TUSC3: variants seen among roughly 807,000 people sequenced by gnomAD.
TUSC3 encodes dolichyl-diphosphooligosaccharide--protein glycosyltransferase subunit TUSC3.
A neutral mutation model predicts 44.8 loss-of-function variants in TUSC3; 45 were observed. The observed-to-expected ratio is 1.00, with a 90% CI of 0.79 to 1.29. TUSC3 has a LOEUF of 1.29. TUSC3 is among the 50% of genes most tolerant of loss of function. TUSC3 has a pLI of 0.00. For synonymous variants in TUSC3, 212 were observed against 152.9 expected (o/e 1.39, Z -2.85); for missense variants, 519 against 437.9 (o/e 1.19, Z -1.65).
intron 5 of TUSC3, among the ~76,000 whole-genome samples, chr8:15,672,810 C>G (rs981707039): frequency 6.6e-6 from 1 of 151,982 alleles, no homozygotes; most frequent in Non-Finnish European, 1.5e-5. Flanking sequence ...ATTGTGCAAA[C>G]TAGAATATTT....
At chr8:15,567,669 G>C (rs1802727023) in intron 1 of TUSC3, among the ~76,000 whole-genome samples, 1 of 152,132 alleles carries the variant, frequency 6.6e-6, no homozygotes, top group Non-Finnish European at 1.5e-5. Context: ...AATGTGACAT[G>C]ATGGGTTGGG....
intron 9 of TUSC3, among the ~76,000 whole-genome samples, chr8:15,756,343 A>G (rs1428403939): frequency 6.6e-6 from 1 of 152,116 alleles, no homozygotes; most frequent in Admixed American, 6.5e-5. Flanking sequence ...CTACCTCAGA[A>G]TTTTATGGGG....
chr8:15,481,260 A>T (rs1009649234), intron 1 of TUSC3, among the ~76,000 whole-genome samples: 2 of 151,870 alleles, frequency 1.3e-5, no homozygotes, highest in African/African-American at 4.8e-5. Context: ...AAAAAAAAAA[A>T]AAAAAAAAGT....
intron 1 of TUSC3, among the ~76,000 whole-genome samples, chr8:15,542,346 A>G (rs1408200054): frequency 6.6e-6 from 1 of 152,116 alleles, no homozygotes; most frequent in East Asian, 1.9e-4. Flanking sequence ...AATGTTTCTT[A>G]TCAGACCTAA....
At chr8:15,570,709 A>T (rs7829439) in intron 1 of TUSC3, among the ~76,000 whole-genome samples, 1 of 152,100 alleles carries the variant, frequency 6.6e-6, no homozygotes, top group Non-Finnish European at 1.5e-5. Context: ...GAGTTGAAGT[A>T]ATTTGCCTGG....
At chr8:15,463,255 G>A (rs12335280) in intron 1 of TUSC3, among the ~76,000 whole-genome samples, 146,099 of 152,184 alleles carry the variant, frequency 0.96, 70,324 homozygotes, top group Non-Finnish European at 1. Context: ...AACTTTATAC[G>A]TATTGGGAAG....
At chr8:15,466,025 A>G (rs1329625023) in intron 1 of TUSC3, among the ~76,000 whole-genome samples, 1 of 152,148 alleles carries the variant, frequency 6.6e-6, no homozygotes, top group African/African-American at 2.4e-5. Flanking sequence ...GTCTGAGGGA[A>G]CTTCCGAATT....
chr8:15,487,682 C>G (rs1800751215), intron 2 of TUSC3, among the ~76,000 whole-genome samples: 1 of 152,186 alleles, frequency 6.6e-6, no homozygotes, highest in South Asian at 2.1e-4. Flanking sequence ...ATCTGTTACT[C>G]CAATATCAGC....
At chr8:15,610,811 A>T (rs1804731058) in intron 1 of TUSC3, among the ~76,000 whole-genome samples, 1 of 152,118 alleles carries the variant, frequency 6.6e-6, no homozygotes, top group African/African-American at 2.4e-5. Context: ...GCCTCTCAGG[A>T]GCCACCAGTG....
chr8:15,439,990 A>G (rs1377203783), intron 1 of TUSC3, among the ~76,000 whole-genome samples: 1 of 152,216 alleles, frequency 6.6e-6, no homozygotes, highest in Non-Finnish European at 1.5e-5. Context: ...TCCACTCTAT[A>G]CCAGGCACAG....
chr8:15,423,150 C>G (rs1385695138), intron 1 of TUSC3, among the ~76,000 whole-genome samples: 1 of 152,098 alleles, frequency 6.6e-6, no homozygotes, highest in African/African-American at 2.4e-5. Context: ...TCCATTTTCA[C>G]TACATTTTAG....
chr8:15,771,215 A>G (rs1416356484), downstream of TUSC3, among the ~76,000 whole-genome samples: 1 of 152,158 alleles, frequency 6.6e-6, no homozygotes, highest in African/African-American at 2.4e-5. Context: ...TTCTACATAG[A>G]CCTATACCAT....
At chr8:15,515,828 C>T (rs546326583) in intron 2 of TUSC3, among the ~76,000 whole-genome samples, 7 of 151,854 alleles carry the variant, frequency 4.6e-5, no homozygotes, top group Non-Finnish European at 1.0e-4. Context: ...CCACCACACC[C>T]GGCTATTTTT....
chr8:15,665,288 T>G (rs1490150198), intron 5 of TUSC3, among the ~76,000 whole-genome samples: 1 of 151,346 alleles, frequency 6.6e-6, no homozygotes, highest in East Asian at 1.9e-4. Flanking sequence ...GGAAAATGAA[T>G]GAGAGAAATG....
At chr8:15,441,412 T>G (rs28578802) in intron 1 of TUSC3, among the ~76,000 whole-genome samples, 1,891 of 152,208 alleles carry the variant, frequency 0.012, 40 homozygotes, top group African/African-American at 0.044. Flanking sequence ...CTCAAAAAAA[T>G]TAAGTAAGTA....
the TUSC3 span, among the ~76,000 whole-genome samples, chr8:15,779,460 T>C: frequency 2.0e-5 from 3 of 147,078 alleles, no homozygotes; most frequent in African/African-American, 2.5e-5. Context: ...AACAAAAAAG[T>C]ACAAAAGCTG....
intron 1 of TUSC3, among the ~76,000 whole-genome samples, chr8:15,543,894 G>C (rs557770467): frequency 8.9e-5 from 13 of 145,400 alleles, no homozygotes; most frequent in Admixed American, 2.1e-4. Flanking sequence ...AGAAGACTTG[G>C]TGATATCCCA....
Position 15,540,341 on chromosome 8 carries a change from G to A in TUSC3, c.-90G>A, listed in dbSNP as rs904944850. 1.5e-6 allele frequency: 2 copies of A among 1,376,194 alleles called. No individual in the cohort carries two copies. The highest frequency in any genetic ancestry group is 1.9e-6 in the Non-Finnish European group (2 of 1,064,816). The allele number at this position is 1,376,194 out of a possible 1,614,324, so 85.2% of individuals were successfully genotyped here. A position where few individuals can be genotyped will look rare whatever the true frequency, so the allele number is the denominator to read the frequency against. ...CCATCCCGGAGGGCCCAGCCAGCGG[G>A]CTCCCGGAGGCTGGCCGGGCAGGCG... On this transcript the variant is annotated 5_prime_UTR_variant, in exon 1 of 11. Coordinates refer to ENST00000503731, the MANE Select transcript of TUSC3 (RefSeq NM_006765.4).
chr8:15,698,122 A>G (rs1809247753), intron 6 of TUSC3, among the ~76,000 whole-genome samples: 1 of 152,196 alleles, frequency 6.6e-6, no homozygotes, highest in Admixed American at 6.5e-5. Context: ...ATCTTAAAAA[A>G]TACTATTGAA....
Sources: gnomAD v4.1 joint callset for allele counts (sites outside exome capture counted in the v4.1 genomes callset) on GRCh38, gnomAD v4.1.1 for gene constraint, MANE v1.5 for transcripts, NCBI Gene and HGNC (gene_info 2026-07-23, HGNC 2026-07-21) for gene names.